KDM1A: variants seen among roughly 807,000 people sequenced by gnomAD.
The protein encoded by KDM1A is lysine-specific histone demethylase 1A.
In KDM1A, 49 loss-of-function variants were observed where a neutral mutation model predicts 109.4. The ratio of observed to expected loss-of-function variants is 0.45; its 90% CI spans 0.36 to 0.57. The LOEUF (loss-of-function observed/expected upper bound fraction) is 0.57. KDM1A is among the 20% of genes least tolerant of loss of function. The pLI is 0.00. For synonymous variants in KDM1A, 380 were observed against 415.4 expected (o/e 0.91, Z 1.04); for missense variants, 668 against 1,116.6 (o/e 0.60, Z 5.73).
chr1:23,022,172 CT>C (rs1026025390), intron 1 of KDM1A, among the ~76,000 whole-genome samples: 22 of 152,218 alleles, frequency 1.4e-4, no homozygotes, highest in African/African-American at 5.1e-4. Context: ...TTTCAGTTCT[CT>C]TTGGGTGTGG....
chr1:23,036,256 G>A (rs1345288545), intron 2 of KDM1A, among the ~76,000 whole-genome samples: 2 of 151,952 alleles, frequency 1.3e-5, no homozygotes, highest in African/African-American at 4.8e-5. Context: ...ACATCCCCAG[G>A]CCCAGCAGGA....
chr1:23,038,206 T>G (rs1460990290), intron 2 of KDM1A, among the ~76,000 whole-genome samples: 1 of 152,074 alleles, frequency 6.6e-6, no homozygotes, highest in Middle Eastern at 3.2e-3. Context: ...CCATTTTCAG[T>G]AATGAGTCGA....
chr1:23,045,900 G>T (rs1044703794), intron 3 of KDM1A, among the ~76,000 whole-genome samples: 2 of 152,076 alleles, frequency 1.3e-5, no homozygotes, highest in African/African-American at 4.8e-5. Context: ...ATCAATCAGG[G>T]TTAGAAATGT....
intron 20 of KDM1A, 64 bp downstream of exon 20, chr1:23,082,430 A>ATT (rs376287633): frequency 4.0e-3 from 4,311 of 1,068,198 alleles, no homozygotes; most frequent in South Asian, 7.5e-3. Flanking sequence ...GATGTCCCTG[A>ATT]TTTTTTTTTT....
chr1:23,048,199 G>A (rs1267126568), intron 3 of KDM1A, among the ~76,000 whole-genome samples: 1 of 152,018 alleles, frequency 6.6e-6, no homozygotes, highest in Non-Finnish European at 1.5e-5. Context: ...AGGATTTAAT[G>A]TGTAGATAAG....
chr1:23,058,481 T>G (rs1219789821), intron 8 of KDM1A, among the ~76,000 whole-genome samples: 1 of 152,186 alleles, frequency 6.6e-6, no homozygotes, highest in East Asian at 1.9e-4. Flanking sequence ...TCTAAAGAGA[T>G]AGGTTAGTAG....
At chr1:23,082,486 C>T (rs975877943) in intron 20 of KDM1A, 120 bp downstream of exon 20, 32 of 988,052 alleles carry the variant, frequency 3.2e-5, no homozygotes, top group Non-Finnish European at 4.4e-5. Context: ...TTTCAGATAA[C>T]CAAGAGCAGA....
Position 23,046,353 on chromosome 1 carries a change from T to C in KDM1A, c.577+1867T>C, listed in dbSNP as rs976133091. ...TTATTCCTTTTATTTTAAAACATTC[T>C]AGGACTTGATATGATACATCTCTAG... On this transcript the variant is annotated intron_variant, in intron 3 of 20. Coordinates refer to ENST00000400181, the MANE Select transcript of KDM1A (RefSeq NM_001009999.3). Among the ~76,000 whole-genome samples, 6 of 152,306 alleles carry C rather than the reference T, an allele frequency of 3.9e-5. No homozygotes were observed. In the South Asian group the frequency reaches 6.2e-4, roughly 16 times the overall value.
Position 23,068,689 on chromosome 1 carries a change from C to T in KDM1A, c.1322+8C>T. The T allele has an allele frequency of 6.5e-7, 1 of 1,538,552 alleles. No homozygotes were observed. The highest frequency in any genetic ancestry group is 1.3e-5 in the South Asian group (1 of 76,144). On this transcript the variant is annotated splice_region_variant and intron_variant, in intron 11 of 20. Transcript: ENST00000400181. ...ATTGGAAGTTGTCATTCAGTAAGTACTTTGATACTGCTTATTGTATAGTGA... is the reference window on the plus strand; with the variant it reads ...ATTGGAAGTTGTCATTCAGTAAGTATTTTGATACTGCTTATTGTATAGTGA...
At chr1:23,078,951 A>G (rs1401331094) in intron 16 of KDM1A, 39 bp from the exon 17 acceptor site, 1 of 1,556,394 alleles carries the variant, frequency 6.4e-7, no homozygotes, top group East Asian at 2.2e-5. Context: ...TCAGTGCCAT[A>G]TTCATCACCA....
intron 6 of KDM1A, chr1:23,055,522 T>C (rs1486888756): frequency 1.8e-5 from 3 of 171,322 alleles, no homozygotes; most frequent in African/African-American, 7.1e-5. Flanking sequence ...GTTGATTTTT[T>C]AATGCTTTAA....
Position 23,073,420 on chromosome 1 carries a change from GT to G in KDM1A, c.1734+20del. 7.3e-7 allele frequency: 1 copy of G among 1,371,572 alleles called. No homozygotes were observed. The allele number at this position is 1,371,572 out of a possible 1,614,324, so 85.0% of individuals were successfully genotyped here. On this transcript the variant is annotated intron_variant, in intron 15 of 20. Coordinates refer to ENST00000400181, the MANE Select transcript of KDM1A (RefSeq NM_001009999.3). ...TGGGATCAGGTAAGTTTCCCTTATT[GT>G]TTATTTTATTGCACATGCCTTTGAG...
chr1:23,025,414 T>A (rs1641765260), intron 1 of KDM1A, among the ~76,000 whole-genome samples: 1 of 150,332 alleles, frequency 6.7e-6, no homozygotes, highest in Non-Finnish European at 1.5e-5. Flanking sequence ...CATTGCAACC[T>A]CCACCTCCCG....
chr1:23,059,416 C>T, intron 9 of KDM1A: 3 of 521,816 alleles, frequency 5.7e-6, no homozygotes, highest in South Asian at 4.7e-5. Context: ...TTAATGAAGG[C>T]TAGCTAGACA....
At chr1:23,051,214 TA>T (rs1283396136) in intron 4 of KDM1A, among the ~76,000 whole-genome samples, 1 of 152,260 alleles carries the variant, frequency 6.6e-6, no homozygotes, top group Non-Finnish European at 1.5e-5. Context: ...CTGAATGATT[TA>T]ACTTCAGTGT....
Position 23,081,430 on chromosome 1 carries a change from C to T in KDM1A, c.2171-16C>T, listed in dbSNP as rs767296534. ...TCTGTAGGAAAACCCTAGAATTATC[C>T]TTTCTGTTTCCCCAGCTCCAATACT... On this transcript the variant is annotated splice_polypyrimidine_tract_variant and intron_variant, in intron 18 of 20. Coordinates refer to ENST00000400181, the MANE Select transcript of KDM1A (RefSeq NM_001009999.3). 1.4e-5 allele frequency: 23 copies of T among 1,613,636 alleles called. No individual in the cohort carries two copies. The highest frequency in any genetic ancestry group is 1.6e-4 in the Middle Eastern group (1 of 6,078).
At chr1:23,076,844 C>G (rs1167905768) in intron 15 of KDM1A, among the ~76,000 whole-genome samples, 1 of 151,898 alleles carries the variant, frequency 6.6e-6, no homozygotes, top group Non-Finnish European at 1.5e-5. Context: ...TGCCTGTAAT[C>G]CCAGCAGTTA....
intron 3 of KDM1A, among the ~76,000 whole-genome samples, chr1:23,045,239 C>G (rs570028825): frequency 6.6e-6 from 1 of 152,122 alleles, no homozygotes; most frequent in East Asian, 1.9e-4. Flanking sequence ...TTTATAGATA[C>G]GTTTTGATAG....
At chr1:23,063,848 G>A (rs1643088143) in intron 9 of KDM1A, among the ~76,000 whole-genome samples, 2 of 152,144 alleles carry the variant, frequency 1.3e-5, no homozygotes, top group Non-Finnish European at 2.9e-5. Context: ...TCCTTATGGG[G>A]TGGGAGTGGG....
Sources: allele counts gnomAD v4.1 joint callset (sites outside exome capture counted in the v4.1 genomes callset), GRCh38; gene constraint gnomAD v4.1.1; transcripts MANE v1.5; gene names NCBI Gene and HGNC (gene_info 2026-07-23, HGNC 2026-07-21).